The following ARHGAP44 variants were observed in gnomAD, a reference collection of about 807,000 sequenced individuals.
The protein encoded by ARHGAP44 is Rho GTPase activating protein 44.
ARHGAP44 carries 43 observed loss-of-function variants against 106.8 expected under a neutral mutation model. That is an observed-to-expected ratio of 0.40 (90% CI 0.32 to 0.52). The LOEUF is 0.52. Ranked by LOEUF, ARHGAP44 falls within the 20% of genes least tolerant of loss-of-function variation. The pLI, the probability that ARHGAP44 is intolerant of heterozygous loss-of-function variation, is 0.48. For missense variants in ARHGAP44, 866 were observed against 1,050.5 expected (o/e 0.82, Z 2.43); for synonymous variants, 439 against 410.3 (o/e 1.07, Z -0.85).
chr17:12,872,622 T>C (rs994517883), intron 1 of ARHGAP44, among the ~76,000 whole-genome samples: 11 of 152,234 alleles, frequency 7.2e-5, no homozygotes, highest in Non-Finnish European at 2.9e-5. Flanking sequence ...TGTTACTGGT[T>C]ACTGTTGCAG....
At chr17:12,963,014 C>A (rs1200150144) in intron 16 of ARHGAP44, among the ~76,000 whole-genome samples, 4 of 144,698 alleles carry the variant, frequency 2.8e-5, no homozygotes, top group African/African-American at 5.2e-5. Flanking sequence ...CCATTGCACT[C>A]CAGCCTGGGC....
intron 2 of ARHGAP44, among the ~76,000 whole-genome samples, 175 bp downstream of exon 2, chr17:12,895,154 A>G (rs1175406887): frequency 6.6e-6 from 1 of 151,394 alleles, no homozygotes. Context: ...ACAAACAAAT[A>G]AAAAAACAAA....
chr17:12,830,883 T>C (rs2035067820), intron 1 of ARHGAP44, among the ~76,000 whole-genome samples: 1 of 152,222 alleles, frequency 6.6e-6, no homozygotes, highest in Non-Finnish European at 1.5e-5. Context: ...TTTCAGAAAG[T>C]AGTTCAGTTA....
At position 12,961,590 on chromosome 17, in the gene ARHGAP44, C is replaced by T. The variant is rs1774300566; in HGVS notation, c.1523+2693C>T. On this transcript the variant is annotated intron_variant, in intron 16 of 20. Coordinates refer to ENST00000379672, the MANE Select transcript of ARHGAP44 (RefSeq NM_014859.6). ...TCTCTACTAAAAATACAAAATTAGC[C>T]CGGTATGATGGCGCATGCCTGTAAT... 2.0e-5 allele frequency among the ~76,000 whole-genome samples: 3 copies of T among 152,112 alleles called. No individual in the cohort carries two copies. The South Asian group carries it at 6.2e-4, about 32-fold the overall frequency.
At chr17:12,956,793 G>GT in intron 15 of ARHGAP44, 47 bp downstream of exon 15, 1 of 1,543,628 alleles carries the variant, frequency 6.5e-7, no homozygotes, top group Non-Finnish European at 8.9e-7. Context: ...GGGAACAGGA[G>GT]TATCACTGCG....
At chr17:12,864,831 T>G (rs2036187853) in intron 1 of ARHGAP44, among the ~76,000 whole-genome samples, 1 of 152,188 alleles carries the variant, frequency 6.6e-6, no homozygotes, top group African/African-American at 2.4e-5. Context: ...AAAAACTATT[T>G]TTTTCAGATG....
At chr17:12,858,014 T>G (rs1431661454) in intron 1 of ARHGAP44, among the ~76,000 whole-genome samples, 1 of 152,090 alleles carries the variant, frequency 6.6e-6, no homozygotes, top group Non-Finnish European at 1.5e-5. Flanking sequence ...GATACTCTTG[T>G]GCAAGGAACC....
chr17:12,869,343 TTAAGA>T (rs1193059003), intron 1 of ARHGAP44, among the ~76,000 whole-genome samples: 7 of 152,248 alleles, frequency 4.6e-5, no homozygotes, highest in East Asian at 3.8e-4. Flanking sequence ...ATTAGCAATA[TTAAGA>T]TAAGCTATCT....
intron 19 of ARHGAP44, chr17:12,981,043 C>T (rs941898051): frequency 2.0e-5 from 3 of 152,194 alleles, no homozygotes; most frequent in African/African-American, 4.8e-5. Flanking sequence ...CAGTTTCATT[C>T]TCTTTGTCTG....
At chr17:12,934,349 A>G (rs2038485265) in intron 7 of ARHGAP44, among the ~76,000 whole-genome samples, 1 of 152,210 alleles carries the variant, frequency 6.6e-6, no homozygotes, top group Non-Finnish European at 1.5e-5. Context: ...CCTCCCCACA[A>G]TCTGAAGAGC....
chr17:12,898,749 A>G (rs1256210875), intron 3 of ARHGAP44, among the ~76,000 whole-genome samples: 2 of 152,178 alleles, frequency 1.3e-5, no homozygotes, highest in Admixed American at 6.5e-5. Flanking sequence ...TATGTGTCCA[A>G]GATAAATGGG....
chr17:12,793,008 C>G (rs567728773), intron 1 of ARHGAP44, among the ~76,000 whole-genome samples: 1 of 152,202 alleles, frequency 6.6e-6, no homozygotes, highest in Non-Finnish European at 1.5e-5. Context: ...CACTTCAATC[C>G]GTCCTTTGGG....
intron 10 of ARHGAP44, among the ~76,000 whole-genome samples, chr17:12,948,031 G>A (rs774375534): frequency 1.3e-5 from 2 of 152,222 alleles, no homozygotes; most frequent in Non-Finnish European, 2.9e-5. Flanking sequence ...AGTAAGGACT[G>A]TTCTGCCTGC....
intron 1 of ARHGAP44, among the ~76,000 whole-genome samples, chr17:12,872,975 G>GTAACCA (rs2036446409): frequency 6.6e-6 from 1 of 152,110 alleles, no homozygotes; most frequent in African/African-American, 2.4e-5. Flanking sequence ...CGACATTAGC[G>GTAACCA]TAACCATGCC....
At chr17:12,959,579 G>A (rs118090425) in intron 16 of ARHGAP44, among the ~76,000 whole-genome samples, 2 of 152,102 alleles carry the variant, frequency 1.3e-5, no homozygotes, top group African/African-American at 4.8e-5. Flanking sequence ...AACAGGTTTC[G>A]TAACAAGCAC....
chr17:12,983,069 TCCTG>T (rs1288650818), intron 19 of ARHGAP44: 2 of 151,944 alleles, frequency 1.3e-5, no homozygotes, highest in African/African-American at 4.8e-5. Context: ...ATCGAGACCA[TCCTG>T]GCTAACACAG....
chr17:12,940,775 T>G (rs2038685071), intron 7 of ARHGAP44, among the ~76,000 whole-genome samples: 1 of 152,196 alleles, frequency 6.6e-6, no homozygotes, highest in Non-Finnish European at 1.5e-5. Flanking sequence ...GGAACTAATT[T>G]GCACATCACT....
At chr17:12,834,034 G>A (rs1389683495) in intron 1 of ARHGAP44, among the ~76,000 whole-genome samples, 2 of 151,758 alleles carry the variant, frequency 1.3e-5, no homozygotes, top group Non-Finnish European at 2.9e-5. Context: ...GGCATGTCCA[G>A]CTCCCCCTTC....
rs2039133248 is a variant in ARHGAP44, at chr17:12,956,643, C to T, written c.1251-12C>T. 2 of 1,613,136 alleles carry T rather than the reference C, an allele frequency of 1.2e-6. No homozygotes were observed. Among genetic ancestry groups the T allele is most frequent in the Non-Finnish European group, 1.7e-6 (2 of 1,179,170 alleles). ...TAACTCCACCCTGTTTGCCTCTGCT[C>T]TCTGCTTACAGGAACATTACAGAGA... On this transcript the variant is annotated splice_polypyrimidine_tract_variant and intron_variant, in intron 14 of 20. Transcript: ENST00000379672.
Sources: allele counts gnomAD v4.1 joint callset (sites outside exome capture counted in the v4.1 genomes callset), GRCh38; gene constraint gnomAD v4.1.1; transcripts MANE v1.5; gene names NCBI Gene and HGNC (gene_info 2026-07-23, HGNC 2026-07-21).